ZSCAN12: variants seen among roughly 807,000 people sequenced by gnomAD.
ZSCAN12 encodes zinc finger and SCAN domain-containing protein 12.
ZSCAN12 carries 18 observed loss-of-function variants against 23.4 expected under a neutral mutation model. The ratio of observed to expected loss-of-function variants is 0.77; its 90% CI spans 0.53 to 1.14. ZSCAN12 has a LOEUF of 1.14. Ranked by LOEUF, ZSCAN12 falls within the 50% of genes most tolerant of loss-of-function variation. The pLI, the probability that ZSCAN12 is intolerant of heterozygous loss-of-function variation, is 0.00. For synonymous variants in ZSCAN12, 186 were observed against 253.4 expected, an observed-to-expected ratio of 0.73 and a Z score of 2.53; for missense variants, 650 against 735.0, an observed-to-expected ratio of 0.88 and a Z score of 1.34.
At chr6:28,380,051 A>C (rs893621082), downstream of ZSCAN12, 5 of 152,196 alleles carry the variant, frequency 3.3e-5, no homozygotes, top group African/African-American at 1.2e-4. Flanking sequence ...AATAACTTCT[A>C]ACATTTCCTT....
At position 28,386,785 on chromosome 6, in the gene ZSCAN12, G is replaced by A. The variant is rs1389279286; in HGVS notation, c.*3669C>T. Among the ~76,000 whole-genome samples the A allele has an allele frequency of 6.6e-6, 1 of 152,044 alleles. No individual in the cohort carries two copies. The highest frequency in any genetic ancestry group is 1.9e-4 in the East Asian group (1 of 5,202). ...TTTTTGGTACTACAACTGTATTTAA[G>A]CATGAGAAATAACCAGAACAAAACC... is the stretch of plus-strand genomic sequence containing the variant. On this transcript the variant is annotated 3_prime_UTR_variant, in exon 4 of 4. Coordinates refer to ENST00000684592, the MANE Select transcript of ZSCAN12 (RefSeq NM_001163391.2).
At chr6:28,397,922 T>C in intron 2 of ZSCAN12, 82 bp downstream of exon 2, 1 of 1,431,434 alleles carries the variant, frequency 7.0e-7, no homozygotes, top group South Asian at 1.6e-5. Context: ...ACATGCTTTG[T>C]GAAAAAATGG....
chr6:28,397,169 C>T lies in ZSCAN12; in HGVS notation c.402+835G>A, dbSNP rs186947183. Among the ~76,000 whole-genome samples, 22 of 152,006 alleles carry T rather than the reference C, an allele frequency of 1.4e-4. No homozygotes were observed. The East Asian group carries it at 1.7e-3, about 12-fold the overall frequency. On this transcript the variant is annotated intron_variant, in intron 2 of 3. Coordinates refer to ENST00000684592, the MANE Select transcript of ZSCAN12 (RefSeq NM_001163391.2). ...ACCCACTAGATACTAGCAGCACCTC[C>T]CCGAGTGATCCACTAGATACTAGCA...
rs1283980121 is a variant in ZSCAN12, at chr6:28,387,996, AGTTTTGGCTTTGG to A, written c.*2445_*2457del. ...CTCGCACCAATTTTCTTCTCTCCCG[AGTTTTGGCTTTGG>A]AGCCGCAAGCAGCTGAACCTTGGTT... On this transcript the variant is annotated 3_prime_UTR_variant, in exon 4 of 4. Transcript: ENST00000684592. Among the ~76,000 whole-genome samples the A allele has an allele frequency of 6.6e-6, 1 of 152,012 alleles. No individual in the cohort carries two copies. The highest frequency in any genetic ancestry group is 1.5e-5 in the Non-Finnish European group (1 of 68,030).
chr6:28,398,052 C>G lies in ZSCAN12; in HGVS notation c.354G>C (p.Val118=). ...EQHPESGEEV[V]TVLEDLEREL... The stretch of plus-strand genomic sequence containing the variant: ...CTCTCTCTAAATCCTCCAGCACAGT[C>G]ACCACCTCCTCCCCACTCTCTGGAT... The change falls in exon 2 of 4, where the codon GTG becomes GTC. Residue 118 remains valine, a synonymous_variant. Transcript: ENST00000684592. 2 of 1,612,372 alleles carry G rather than the reference C, an allele frequency of 1.2e-6. No individual in the cohort carries two copies. The highest frequency in any genetic ancestry group is 1.7e-6 in the Non-Finnish European group (2 of 1,179,066).
chr6:28,384,688 G>T (rs983150230), downstream of ZSCAN12, among the ~76,000 whole-genome samples: 72 of 152,238 alleles, frequency 4.7e-4, no homozygotes, highest in African/African-American at 1.5e-3. Flanking sequence ...TTATATACAT[G>T]AGGTCATATA....
At chr6:28,397,175 T>C (rs1367535911) in intron 2 of ZSCAN12, among the ~76,000 whole-genome samples, 1 of 151,818 alleles carries the variant, frequency 6.6e-6, no homozygotes, top group African/African-American at 2.4e-5. Flanking sequence ...CCTCCCCGAG[T>C]GATCCACTAG....
intron 2 of ZSCAN12, among the ~76,000 whole-genome samples, chr6:28,395,985 TTTA>T (rs1267398502): frequency 6.6e-6 from 1 of 152,024 alleles, no homozygotes; most frequent in African/African-American, 2.4e-5. Context: ...TTGAACAGAA[TTTA>T]TTACCACCTA....
chr6:28,391,368 C>CA lies in ZSCAN12; in HGVS notation c.921dup (p.Gly308TrpfsTer24). ...ACAGTTCTCCCACGGAAAGCTTTTCCACATTCTTCGCATTTGTAGGGTCTA... is the reference window on the plus strand; with the variant it reads ...ACAGTTCTCCCACGGAAAGCTTTTCCAACATTCTTCGCATTTGTAGGGTCTA... On this transcript the variant is annotated frameshift_variant, in exon 4 of 4. Transcript: ENST00000684592. LOFTEE classifies it low-confidence loss of function (END_TRUNC). The surrounding 1 kb of genome is among the most constrained non-coding windows in gnomAD (Gnocchi z 4.1). 1.3e-6 allele frequency: 2 copies of CA among 1,551,740 alleles called. No individual in the cohort carries two copies. The highest frequency in any genetic ancestry group is 1.7e-6 in the Non-Finnish European group (2 of 1,146,824).
rs1214023607 is a variant in ZSCAN12 at position 28,391,031 on chromosome 6, C to G, written c.1259G>C (p.Gly420Ala). 1.8e-5 allele frequency: 28 copies of G among 1,557,196 alleles called. No individual in the cohort carries two copies. Among genetic ancestry groups the G allele is most frequent in the Non-Finnish European group, 2.4e-5 (28 of 1,149,874 alleles). Reference sequence around the variant, plus strand: ...GGATGAGTTATAAACAAAGGCTTTTCCACACTCGTTGCACTCATACGGCTT... The same window carrying G: ...GGATGAGTTATAAACAAAGGCTTTTGCACACTCGTTGCACTCATACGGCTT... ...GAKPYECNEC[G>A]KAFVYNSSLV... Residue 420 changes from glycine to alanine, a missense_variant, in exon 4 of 4, where the codon GGA becomes GCA. By Grantham distance (60) the Gly-to-Ala change is moderately conservative. Coordinates refer to ENST00000684592, the MANE Select transcript of ZSCAN12 (RefSeq NM_001163391.2). The surrounding 1 kb of genome is among the most constrained non-coding windows in gnomAD (Gnocchi z 4.1).
intron 2 of ZSCAN12, 82 bp from the exon 3 acceptor site, chr6:28,393,128 C>T: frequency 1.4e-6 from 2 of 1,404,616 alleles, no homozygotes; most frequent in Non-Finnish European, 1.9e-6. Flanking sequence ...GTGGCTGAAC[C>T]CTGAAATGAC....
chr6:28,391,905 A>G lies in ZSCAN12; in HGVS notation c.548-163T>C. Among the ~76,000 whole-genome samples, 1 of 152,234 alleles carries G rather than the reference A, an allele frequency of 6.6e-6. No individual in the cohort carries two copies. Among genetic ancestry groups the G allele is most frequent in the African/African-American group, 2.4e-5 (1 of 41,476 alleles). Reference sequence around the variant, plus strand: ...CAATATGGAAAACATATGCATCAAAAAAATATCTGGAAGGACACACGAAAA... The same window carrying G: ...CAATATGGAAAACATATGCATCAAAGAAATATCTGGAAGGACACACGAAAA... On this transcript the variant is annotated intron_variant, in intron 3 of 3. Coordinates refer to ENST00000684592, the MANE Select transcript of ZSCAN12 (RefSeq NM_001163391.2). The surrounding 1 kb of genome is among the most constrained non-coding windows in gnomAD (Gnocchi z 4.1).
intron 2 of ZSCAN12, among the ~76,000 whole-genome samples, chr6:28,396,921 A>T (rs570980551): frequency 6.6e-6 from 1 of 152,034 alleles, no homozygotes; most frequent in East Asian, 1.9e-4. Context: ...CCTATTTCAA[A>T]CTTAGATATT....
rs1341635056 is a variant in ZSCAN12 at position 28,387,586 on chromosome 6, T to C, written c.*2868A>G. On this transcript the variant is annotated 3_prime_UTR_variant, in exon 4 of 4. Coordinates refer to ENST00000684592, the MANE Select transcript of ZSCAN12 (RefSeq NM_001163391.2). Reference sequence around the variant, plus strand: ...CAGCAAAAGAACTACCATAACTAACTCCATTTTTGTTTAAGGACCCTTTAC... The same window carrying C: ...CAGCAAAAGAACTACCATAACTAACCCCATTTTTGTTTAAGGACCCTTTAC... 6.6e-6 allele frequency among the ~76,000 whole-genome samples: 1 copy of C among 152,174 alleles called. No homozygotes were observed. The highest frequency in any genetic ancestry group is 1.5e-5 in the Non-Finnish European group (1 of 68,020).
rs1425194814 is a variant in ZSCAN12 at position 28,385,540 on chromosome 6, G to A, written c.*4914C>T. On this transcript the variant is annotated 3_prime_UTR_variant, in exon 4 of 4. Transcript: ENST00000684592. ...ACTGCAACACATGGTTTGTTCAACT[G>A]AAATAAAGAGAGGAAGTGTATCACA... Among the ~76,000 whole-genome samples the A allele has an allele frequency of 6.6e-6, 1 of 152,202 alleles. No individual in the cohort carries two copies. The highest frequency in any genetic ancestry group is 1.5e-5 in the Non-Finnish European group (1 of 68,026).
rs762954476 is a variant in ZSCAN12 at position 28,398,096 on chromosome 6, C to G, written c.310G>C (p.Ala104Pro). 1.6e-5 allele frequency: 26 copies of G among 1,613,956 alleles called. No homozygotes were observed. The highest frequency in any genetic ancestry group is 1.9e-5 in the Non-Finnish European group (23 of 1,179,980). The change falls in exon 2 of 4, where the codon GCC becomes CCC. Residue 104 changes from alanine to proline, a missense_variant. Physicochemically the swap from Ala to Pro is conservative, Grantham distance 27. Coordinates refer to ENST00000684592, the MANE Select transcript of ZSCAN12 (RefSeq NM_001163391.2). ...TCTGGATGCTGCTCCTGCACCCAGG[C>G]CTGGAGCTCCTCAGGTAGGATGGTC... ...FLTILPEELQ[A>P]WVQEQHPESG...
At chr6:28,397,853 C>T (rs1183356559) in intron 2 of ZSCAN12, 151 bp downstream of exon 2, 7 of 913,362 alleles carry the variant, frequency 7.7e-6, no homozygotes, top group Non-Finnish European at 1.1e-5. Context: ...AAGTTGGGAC[C>T]ACATTAGCCA....
At position 28,391,926 on chromosome 6, in the gene ZSCAN12, G is replaced by A. The variant is rs1370650757; in HGVS notation, c.548-184C>T. 2.0e-5 allele frequency among the ~76,000 whole-genome samples: 3 copies of A among 152,072 alleles called. No homozygotes were observed. Among genetic ancestry groups the A allele is most frequent in the South Asian group, 4.2e-4 (2 of 4,816 alleles). ...CAAAAAAATATCTGGAAGGACACAC[G>A]AAAAATTAGTAACAGTTACAACCTA... On this transcript the variant is annotated intron_variant, in intron 3 of 3. Coordinates refer to ENST00000684592, the MANE Select transcript of ZSCAN12 (RefSeq NM_001163391.2). The surrounding 1 kb of genome is among the most constrained non-coding windows in gnomAD (Gnocchi z 4.1).
rs1760859510 is a variant in ZSCAN12 at position 28,391,908 on chromosome 6, A to G, written c.548-166T>C. 6.6e-6 allele frequency among the ~76,000 whole-genome samples: 1 copy of G among 152,234 alleles called. No individual in the cohort carries two copies. The highest frequency in any genetic ancestry group is 2.4e-5 in the African/African-American group (1 of 41,478). ...TATGGAAAACATATGCATCAAAAAAATATCTGGAAGGACACACGAAAAATT... is the reference window on the plus strand; with the variant it reads ...TATGGAAAACATATGCATCAAAAAAGTATCTGGAAGGACACACGAAAAATT... On this transcript the variant is annotated intron_variant, in intron 3 of 3. Transcript: ENST00000684592. This position sits in a 1 kb window ranked among gnomAD's most constrained non-coding sequence, Gnocchi z 4.1.
Sources: gnomAD v4.1 joint callset for allele counts (sites outside exome capture counted in the v4.1 genomes callset) on GRCh38, gnomAD v4.1.1 for gene constraint, Gnocchi (gnomAD v3.1) non-coding constraint, MANE v1.5 for transcripts, NCBI Gene and HGNC (gene_info 2026-07-23, HGNC 2026-07-21) for gene names.